Variants in HEMK2 observed in about 807,000 individuals in gnomAD.
HEMK2 encodes the protein HemK methyltransferase 2, ETF1 glutamine and histone H4 lysine.
chr21:28,750,265 A>T, the HEMK2 span, among the ~76,000 whole-genome samples: 1 of 152,254 alleles, frequency 6.6e-6, no homozygotes, highest in Non-Finnish European at 1.5e-5. Flanking sequence ...TTCCCTCATC[A>T]TATTTAATTT....
chr21:28,800,537 G>A, the HEMK2 span, among the ~76,000 whole-genome samples: 81 of 151,968 alleles, frequency 5.3e-4, no homozygotes, highest in Admixed American at 2.0e-3. Flanking sequence ...ATATATAAAT[G>A]TATATATATC....
At chr21:28,620,346 T>C in the HEMK2 span, among the ~76,000 whole-genome samples, 30 of 152,268 alleles carry the variant, frequency 2.0e-4, no homozygotes, top group African/African-American at 6.7e-4. Flanking sequence ...GGAATGGTAC[T>C]AGCTCCTCTT....
chr21:28,618,807 T>C, the HEMK2 span, among the ~76,000 whole-genome samples: 1 of 152,232 alleles, frequency 6.6e-6, no homozygotes, highest in Non-Finnish European at 1.5e-5. Flanking sequence ...CACTTATTAG[T>C]GTGACTGTGG....
chr21:28,721,289 T>C, the HEMK2 span, among the ~76,000 whole-genome samples: 1 of 152,052 alleles, frequency 6.6e-6, no homozygotes, highest in South Asian at 2.1e-4. Flanking sequence ...CTAATTTTTG[T>C]ATTTTTTGTA....
the HEMK2 span, among the ~76,000 whole-genome samples, chr21:28,741,420 A>C: frequency 6.6e-6 from 1 of 152,216 alleles, no homozygotes; most frequent in African/African-American, 2.4e-5. Flanking sequence ...TTTTAAGTTC[A>C]GGGATATATG....
the HEMK2 span, among the ~76,000 whole-genome samples, chr21:28,866,152 AAACAAAAACAAAC>A: frequency 1.4e-4 from 12 of 85,082 alleles, no homozygotes; most frequent in Non-Finnish European, 2.2e-4. Flanking sequence ...TCTACAGAAA[AAACAAAAACAAAC>A]AAAAAAAAAA....
the HEMK2 span, among the ~76,000 whole-genome samples, chr21:28,834,457 G>C: frequency 4.4e-4 from 67 of 152,324 alleles, no homozygotes; most frequent in African/African-American, 1.4e-3. Context: ...AATCTAGAGA[G>C]CTGAGTGAAA....
At chr21:28,611,244 G>A in the HEMK2 span, among the ~76,000 whole-genome samples, 1 of 152,102 alleles carries the variant, frequency 6.6e-6, no homozygotes, top group Admixed American at 6.6e-5. Context: ...AACTCCAAAA[G>A]GAACTCTCAA....
At chr21:28,601,604 A>ATCTCTCTCTCTCTCTCTC in the HEMK2 span, among the ~76,000 whole-genome samples, 68 of 126,770 alleles carry the variant, frequency 5.4e-4, 1 homozygote, top group African/African-American at 2.0e-3. Flanking sequence ...ACCTTCTGAC[A>ATCTCTCTCTCTCTCTCTC]TCTCTCTCTC....
chr21:28,590,501 C>A, the HEMK2 span, among the ~76,000 whole-genome samples: 1 of 152,102 alleles, frequency 6.6e-6, no homozygotes, highest in Non-Finnish European at 1.5e-5. Flanking sequence ...TGAACACATG[C>A]CACTTAATGG....
At chr21:28,638,757 T>C in the HEMK2 span, among the ~76,000 whole-genome samples, 38 of 152,186 alleles carry the variant, frequency 2.5e-4, no homozygotes, top group South Asian at 4.2e-4. Flanking sequence ...TACATGGTGA[T>C]TGGGGGCTGT....
At chr21:28,877,620 AAAG>A in the HEMK2 span, among the ~76,000 whole-genome samples, 2 of 148,192 alleles carry the variant, frequency 1.3e-5, no homozygotes, top group East Asian at 3.9e-4. Flanking sequence ...AAAAAAGAGA[AAAG>A]AGAGAAATAG....
At chr21:28,598,610 A>G in the HEMK2 span, among the ~76,000 whole-genome samples, 1 of 152,162 alleles carries the variant, frequency 6.6e-6, no homozygotes, top group Non-Finnish European at 1.5e-5. Context: ...GTATCCTTTT[A>G]CTGTAAGAAA....
At chr21:28,729,944 T>C in the HEMK2 span, among the ~76,000 whole-genome samples, 1 of 152,054 alleles carries the variant, frequency 6.6e-6, no homozygotes, top group African/African-American at 2.4e-5. Flanking sequence ...TACGACCCAA[T>C]ATAGGGAAGG....
chr21:28,884,058 T>C, the HEMK2 span, among the ~76,000 whole-genome samples: 2 of 152,204 alleles, frequency 1.3e-5, no homozygotes, highest in African/African-American at 2.4e-5. Context: ...AAGTCTTTAT[T>C]AGGTGGTAGT....
the HEMK2 span, among the ~76,000 whole-genome samples, chr21:28,741,018 TTC>T: frequency 6.6e-6 from 1 of 152,336 alleles, no homozygotes; most frequent in African/African-American, 2.4e-5. Context: ...CTAAGTTGGT[TTC>T]TGTTTGGTTA....
the HEMK2 span, among the ~76,000 whole-genome samples, chr21:28,626,889 TTTAA>T: frequency 0.017 from 2,593 of 152,258 alleles, 75 homozygotes; most frequent in African/African-American, 0.059. Flanking sequence ...CTCCTAAGTA[TTTAA>T]TTAAAAAAAT....
the HEMK2 span, among the ~76,000 whole-genome samples, chr21:28,845,706 T>G: frequency 2.0e-4 from 23 of 113,770 alleles, no homozygotes; most frequent in African/African-American, 1.2e-3. Flanking sequence ...TCACTTCTAT[T>G]TCTAAGTATT....
At chr21:28,814,002 C>T in the HEMK2 span, among the ~76,000 whole-genome samples, 2 of 152,118 alleles carry the variant, frequency 1.3e-5, no homozygotes, top group Non-Finnish European at 2.9e-5. Flanking sequence ...CTTTGGGCGG[C>T]TGAGGTGAGC....
Sources: gnomAD v4.1 joint callset for allele counts (sites outside exome capture counted in the v4.1 genomes callset) on GRCh38, gnomAD v4.1.1 for gene constraint, MANE v1.5 for transcripts, NCBI Gene and HGNC (gene_info 2026-07-23, HGNC 2026-07-21) for gene names.